Variants in PRAME observed in about 807,000 individuals in gnomAD.
PRAME encodes PRAME nuclear receptor transcriptional regulator.
PRAME carries 21 observed loss-of-function variants against 32.1 expected under a neutral mutation model. That is an observed-to-expected ratio of 0.65 (90% CI 0.46 to 0.94). PRAME has a LOEUF of 0.94. Among genes scored for constraint, PRAME ranks in the 40% least tolerant of loss-of-function variants. The pLI is 0.00. For missense variants in PRAME, 651 were observed against 622.3 expected (o/e 1.05, Z -0.49); for synonymous variants, 274 against 251.5 (o/e 1.09, Z -0.85).
Position 22,558,973 on chromosome 22 carries a change from T to G in PRAME, c.-116A>C, listed in dbSNP as rs1262929591. 6.4e-6 allele frequency: 1 copy of G among 156,326 alleles called. No homozygotes were observed. Among genetic ancestry groups the G allele is most frequent in the Non-Finnish European group, 1.4e-5 (1 of 71,542 alleles). The allele number at this position is 156,326 out of a possible 1,614,324, so 9.7% of individuals were successfully genotyped here. On this transcript the variant is annotated splice_region_variant and 5_prime_UTR_variant, in exon 1 of 6. Coordinates refer to ENST00000405655, the MANE Select transcript of PRAME (RefSeq NM_206956.3). ...CCCCCGGGATTCAATTAACTTACTC[T>G]CTGGAGCGCGCGTTCCTCCCTGCTC... is the stretch of plus-strand genomic sequence containing the variant.
intron 3 of PRAME, chr22:22,552,947 C>A (rs764848532): frequency 4.9e-5 from 23 of 470,602 alleles, no homozygotes; most frequent in South Asian, 3.1e-4. Flanking sequence ...CCTTTCAACT[C>A]CACGCTGCCA....
intron 3 of PRAME, 67 bp downstream of exon 3, chr22:22,556,745 G>T (rs561979037): frequency 1.9e-6 from 3 of 1,589,282 alleles, no homozygotes; most frequent in Non-Finnish European, 1.7e-6. Context: ...CATCTGGCTC[G>T]AGTGACAAGG....
chr22:22,550,941 A>T lies in PRAME; in HGVS notation c.170T>A (p.Phe57Tyr). ...GTGTCTCCCGTCAAAGGCTGCCATG[A>T]AGAGTGGCGGGAAGAGCTCCCTGGG... is the stretch of plus-strand genomic sequence containing the variant. ...LLPRELFPPL[F>Y]MAAFDGRHSQ... Residue 57 changes from phenylalanine (F) to tyrosine (Y), a missense_variant, in exon 4 of 6, where the codon TTC becomes TAC. Transcript: ENST00000405655. 2 of 1,613,786 alleles carry T rather than the reference A, an allele frequency of 1.2e-6. No individual in the cohort carries two copies. The highest frequency in any genetic ancestry group is 1.7e-6 in the Non-Finnish European group (2 of 1,179,948).
intron 3 of PRAME, chr22:22,553,713 C>T: frequency 1.2e-6 from 1 of 865,616 alleles, no homozygotes; most frequent in Non-Finnish European, 1.4e-6. Context: ...AAACCTAGGA[C>T]AGCAACATTT....
Position 22,552,674 on chromosome 22 carries a change from C to A in PRAME, c.22-1585G>T, listed in dbSNP as rs529080337. ...ATTAAGGCAAAACTACATTTAGAGA[C>A]AAGAACAAAGCCTGTTCCTTTGTAA... is the stretch of plus-strand genomic sequence containing the variant. On this transcript the variant is annotated intron_variant, in intron 3 of 5. Coordinates refer to ENST00000405655, the MANE Select transcript of PRAME (RefSeq NM_206956.3). 3.9e-5 allele frequency: 11 copies of A among 284,422 alleles called. No individual in the cohort carries two copies. In the East Asian group the frequency reaches 6.1e-4, roughly 16 times the overall value. 17.6% of individuals were successfully genotyped at this position (284,422 alleles called of 1,614,324 possible).
chr22:22,556,749 G>A, intron 3 of PRAME, 63 bp downstream of exon 3: 3 of 1,598,020 alleles, frequency 1.9e-6, no homozygotes, highest in South Asian at 1.1e-5. Context: ...TGGCTCGAGT[G>A]ACAAGGACAG....
chr22:22,555,703 T>C (rs914181908), intron 3 of PRAME: 43 of 376,032 alleles, frequency 1.1e-4, no homozygotes, highest in Non-Finnish European at 2.2e-4. Flanking sequence ...CACTGTGCCG[T>C]CCTTGAGCCT....
In PRAME at chr22:22,548,659, G is replaced by C. The variant is rs2072049; in HGVS notation, c.954-16C>G. On this transcript the variant is annotated splice_polypyrimidine_tract_variant and intron_variant, in intron 5 of 5. Transcript: ENST00000405655. ...CATCACGTGCCTGCAAATAGACAAA[G>C]CAGTTAGTGCTGGGGAATGGTGGTA... The C allele has an allele frequency of 6.4e-7, 1 of 1,556,686 alleles. No individual in the cohort carries two copies. Among genetic ancestry groups the C allele is most frequent in the African/African-American group, 1.4e-5 (1 of 73,998 alleles).
chr22:22,558,722 C>G (rs1246837178), intron 1 of PRAME, among the ~76,000 whole-genome samples: 1 of 150,992 alleles, frequency 6.6e-6, no homozygotes, highest in East Asian at 2.0e-4. Flanking sequence ...ACGGGGTGTT[C>G]TGGGATCACG....
rs537495489 is a variant in PRAME at position 22,559,049 on chromosome 22, A to C, written c.-192T>G. 8 of 174,002 alleles carry C rather than the reference A, an allele frequency of 4.6e-5. No individual in the cohort carries two copies. The highest frequency in any genetic ancestry group is 9.5e-5 in the Non-Finnish European group (8 of 84,556). The allele number at this position is 174,002 out of a possible 1,614,324, so 10.8% of individuals were successfully genotyped here. A position where few individuals can be genotyped will look rare whatever the true frequency, so the allele number is the denominator to read the frequency against. On this transcript the variant is annotated 5_prime_UTR_variant, in exon 1 of 6. Transcript: ENST00000405655. ...CTGAGGCCCGCGCATGCTCCCCTCG[A>C]CTCCCCGTGTTTCCACTCTCCACAG...
At chr22:22,557,069 G>C (rs930226105) in intron 2 of PRAME, 160 bp from the exon 3 acceptor site, 6 of 592,454 alleles carry the variant, frequency 1.0e-5, no homozygotes, top group Admixed American at 2.8e-5. Context: ...CCAAACCTGA[G>C]CACCAGTGTT....
intron 2 of PRAME, 72 bp from the exon 3 acceptor site, chr22:22,556,981 T>G: frequency 2.0e-6 from 2 of 1,006,482 alleles, no homozygotes; most frequent in Non-Finnish European, 3.0e-6. Flanking sequence ...CGGCCTCCTG[T>G]GAAAACCTCC....
chr22:22,552,685 C>A, intron 3 of PRAME: 2 of 306,350 alleles, frequency 6.5e-6, no homozygotes, highest in Non-Finnish European at 1.3e-5. Flanking sequence ...AAGAACAAAG[C>A]CTGTTCCTTT....
chr22:22,550,268 A>C lies in PRAME; in HGVS notation c.411T>G (p.Ser137=). 6.2e-7 allele frequency: 1 copy of C among 1,613,808 alleles called. No homozygotes were observed. The highest frequency in any genetic ancestry group is 8.5e-7 in the Non-Finnish European group (1 of 1,179,964). The change falls in exon 5 of 6, where the codon TCT becomes TCG. Residue 137 remains serine, a synonymous_variant. Transcript: ENST00000405655. ...NSHQDFWTVW[S]GNRASLYSFP... is the part of the protein sequence containing the mutation. The stretch of plus-strand genomic sequence containing the variant: ...ATGAGTACAGACTGGCCCTGTTTCC[A>C]GACCATACAGTCCAGAAGTCCTGAT...
intron 1 of PRAME, among the ~76,000 whole-genome samples, chr22:22,558,761 G>A (rs1476322392): frequency 6.6e-6 from 1 of 151,404 alleles, no homozygotes; most frequent in Non-Finnish European, 1.5e-5. Context: ...CTCTGTCCTG[G>A]GTCTGTGCTT....
intron 3 of PRAME, chr22:22,554,172 C>T (rs2062767117): frequency 2.0e-6 from 2 of 985,196 alleles, no homozygotes; most frequent in African/African-American, 3.5e-5. Flanking sequence ...TGATCACCCA[C>T]TGGTGCTTTT....
intron 3 of PRAME, among the ~76,000 whole-genome samples, chr22:22,551,360 T>G (rs988089474): frequency 1.3e-5 from 2 of 151,896 alleles, no homozygotes; most frequent in African/African-American, 4.8e-5. Flanking sequence ...CTCTATTTAA[T>G]TCTAGTCCCC....
chr22:22,548,678 G>A (rs1169439714), intron 5 of PRAME, 35 bp from the exon 6 acceptor site: 1 of 1,511,582 alleles, frequency 6.6e-7, no homozygotes, highest in South Asian at 1.2e-5. Context: ...GCTGGGGAAT[G>A]GTGGTAGTGG....
chr22:22,551,229 G>A (rs541917291), intron 3 of PRAME, 140 bp from the exon 4 acceptor site: 3 of 721,608 alleles, frequency 4.2e-6, no homozygotes, highest in African/African-American at 1.8e-5. Flanking sequence ...AGTTTACCCC[G>A]ATTCCACTCT....
Sources: allele counts gnomAD v4.1 joint callset (sites outside exome capture counted in the v4.1 genomes callset), GRCh38; gene constraint gnomAD v4.1.1; transcripts MANE v1.5; gene names NCBI Gene and HGNC (gene_info 2026-07-23, HGNC 2026-07-21).